Variants in GALNT13 observed in about 807,000 individuals in gnomAD.
GALNT13 encodes the protein polypeptide N-acetylgalactosaminyltransferase 13.
Under a neutral mutation model 64.2 loss-of-function variants are expected in GALNT13, and 28 were observed. The observed-to-expected ratio is 0.44, with a 90% CI of 0.32 to 0.60. GALNT13 has a LOEUF of 0.60. Ranked by LOEUF, GALNT13 falls within the 20% of genes least tolerant of loss-of-function variation. The pLI is 0.05. For missense variants in GALNT13, 577 were observed against 669.8 expected (o/e 0.86, Z 1.53); for synonymous variants, 214 against 224.6 (o/e 0.95, Z 0.42).
chr2:154,169,233 G>A (rs1412233730), intron 4 of GALNT13, among the ~76,000 whole-genome samples: 1 of 152,094 alleles, frequency 6.6e-6, no homozygotes, highest in Non-Finnish European at 1.5e-5. Context: ...TTGGAGGGGA[G>A]GGGTCAAACA....
At chr2:154,227,949 T>C (rs1573916247) in intron 4 of GALNT13, among the ~76,000 whole-genome samples, 1 of 152,152 alleles carries the variant, frequency 6.6e-6, no homozygotes, top group Non-Finnish European at 1.5e-5. Flanking sequence ...AGTAGTGGTA[T>C]TTCCATTTAC....
the GALNT13 span, among the ~76,000 whole-genome samples, chr2:153,302,971 G>T: frequency 1.3e-5 from 2 of 152,110 alleles, no homozygotes; most frequent in African/African-American, 4.8e-5. Flanking sequence ...TTTGAAGTCA[G>T]GTAGTGTGAT....
intron 3 of GALNT13, among the ~76,000 whole-genome samples, chr2:154,024,729 C>T (rs1436543213): frequency 6.6e-6 from 1 of 152,148 alleles, no homozygotes; most frequent in African/African-American, 2.4e-5. Flanking sequence ...TGTTCCGTTG[C>T]TGGTGAGGAG....
chr2:154,048,917 C>A (rs1405935645), intron 3 of GALNT13, among the ~76,000 whole-genome samples: 1 of 151,674 alleles, frequency 6.6e-6, no homozygotes, highest in Non-Finnish European at 1.5e-5. Flanking sequence ...TTTAAAGTAC[C>A]ATAGAGGTAT....
At chr2:153,317,299 A>T in the GALNT13 span, among the ~76,000 whole-genome samples, 2 of 152,132 alleles carry the variant, frequency 1.3e-5, no homozygotes, top group Non-Finnish European at 2.9e-5. Context: ...ATCATTCCCT[A>T]ACACCTGCAG....
the GALNT13 span, among the ~76,000 whole-genome samples, chr2:153,558,305 A>T: frequency 5.9e-5 from 9 of 152,310 alleles, 1 homozygote; most frequent in South Asian, 1.9e-3. Context: ...GGATGCTGTT[A>T]TCTGTTATTT....
the GALNT13 span, among the ~76,000 whole-genome samples, chr2:153,152,914 G>A: frequency 1.3e-5 from 2 of 151,970 alleles, no homozygotes; most frequent in African/African-American, 4.8e-5. Flanking sequence ...ATTCCTTTAG[G>A]TATATACCCA....
At chr2:153,934,518 A>C (rs1451201300) in intron 2 of GALNT13, among the ~76,000 whole-genome samples, 13 of 152,160 alleles carry the variant, frequency 8.5e-5, no homozygotes, top group Non-Finnish European at 1.9e-4. Flanking sequence ...GACATTTTTT[A>C]CTCATGGCAC....
intron 9 of GALNT13, among the ~76,000 whole-genome samples, chr2:154,389,401 A>G (rs184323676): frequency 6.6e-6 from 1 of 152,326 alleles, no homozygotes; most frequent in Non-Finnish European, 1.5e-5. Context: ...GGCCTCCAAA[A>G]TTGCTGGGAT....
the GALNT13 span, among the ~76,000 whole-genome samples, chr2:153,345,575 C>A: frequency 6.6e-6 from 1 of 152,066 alleles, no homozygotes; most frequent in African/African-American, 2.4e-5. Context: ...TAATTCCACA[C>A]CCTGCCCCCA....
intron 8 of GALNT13, among the ~76,000 whole-genome samples, chr2:154,261,427 T>G (rs1690690373): frequency 6.6e-6 from 1 of 152,182 alleles, no homozygotes; most frequent in Non-Finnish European, 1.5e-5. Flanking sequence ...GACATGAATA[T>G]GTTTGCTTAA....
At chr2:153,376,265 A>G in the GALNT13 span, among the ~76,000 whole-genome samples, 2 of 152,206 alleles carry the variant, frequency 1.3e-5, no homozygotes, top group African/African-American at 2.4e-5. Flanking sequence ...TAATGGTTAG[A>G]AGGAACAAAG....
intron 3 of GALNT13, among the ~76,000 whole-genome samples, chr2:153,983,420 T>C (rs1400262802): frequency 6.6e-6 from 1 of 151,926 alleles, no homozygotes; most frequent in African/African-American, 2.4e-5. Context: ...ATAAACTCTT[T>C]AAGTATTAGA....
chr2:153,162,388 A>G, the GALNT13 span, among the ~76,000 whole-genome samples: 2 of 152,212 alleles, frequency 1.3e-5, no homozygotes, highest in African/African-American at 4.8e-5. Context: ...GAGGAACAGG[A>G]AGCACTAGCA....
the GALNT13 span, among the ~76,000 whole-genome samples, chr2:153,319,628 T>C: frequency 6.6e-6 from 1 of 152,286 alleles, no homozygotes; most frequent in East Asian, 1.9e-4. Context: ...AACAAGATTG[T>C]TTCCATCCTA....
chr2:153,488,787 A>G, the GALNT13 span, among the ~76,000 whole-genome samples: 1 of 152,190 alleles, frequency 6.6e-6, no homozygotes, highest in Non-Finnish European at 1.5e-5. Flanking sequence ...AGGTGTTGCT[A>G]ATGTGATACA....
the GALNT13 span, among the ~76,000 whole-genome samples, chr2:153,804,584 A>T: frequency 6.6e-6 from 1 of 152,142 alleles, no homozygotes; most frequent in East Asian, 1.9e-4. Context: ...CATTAAAAAA[A>T]CTCGTGACTA....
chr2:153,664,999 ATT>A, the GALNT13 span, among the ~76,000 whole-genome samples: 2 of 152,232 alleles, frequency 1.3e-5, no homozygotes, highest in African/African-American at 4.8e-5. Context: ...TAGAACAAAA[ATT>A]TGGTACCAGA....
At chr2:154,390,922 A>G (rs1698761406) in intron 9 of GALNT13, among the ~76,000 whole-genome samples, 1 of 152,268 alleles carries the variant, frequency 6.6e-6, no homozygotes, top group Admixed American at 6.5e-5. Context: ...TATAAACTCC[A>G]TGGAGGAAGA....
Sources: gnomAD v4.1 joint callset for allele counts (sites outside exome capture counted in the v4.1 genomes callset) on GRCh38, gnomAD v4.1.1 for gene constraint, MANE v1.5 for transcripts, NCBI Gene and HGNC (gene_info 2026-07-23, HGNC 2026-07-21) for gene names.